Variants in ZNF469 observed in about 807,000 individuals in gnomAD.
ZNF469 encodes zinc finger protein 469.
Under a neutral mutation model 1.0 loss-of-function variants are expected in ZNF469, and 1 was observed. The observed-to-expected ratio is 1.00, with a 90% confidence interval of 0.35 to 4.73. The LOEUF (loss-of-function observed/expected upper bound fraction) is 4.73. Ranked by LOEUF, ZNF469 falls within the 30% of genes most tolerant of loss-of-function variation. ZNF469 has a pLI of 0.16. For synonymous variants in ZNF469, 2,703 were observed against 2,363.4 expected (o/e 1.14, Z -4.17); for missense variants, 6,100 against 5,356.3 (o/e 1.14, Z -4.33).
chr16:88,341,364 G>C, the ZNF469 span, among the ~76,000 whole-genome samples: 1 of 152,144 alleles, frequency 6.6e-6, no homozygotes, highest in African/African-American at 2.4e-5. Flanking sequence ...CTTGCTCCTG[G>C]TGGCTGCTGG....
the ZNF469 span, among the ~76,000 whole-genome samples, chr16:88,276,084 A>C: frequency 3.3e-5 from 5 of 152,136 alleles, no homozygotes; most frequent in East Asian, 9.7e-4. Flanking sequence ...GCAAGTGGAC[A>C]CCCCCTCTGG....
At chr16:88,225,477 C>G in the ZNF469 span, among the ~76,000 whole-genome samples, 391 of 152,170 alleles carry the variant, frequency 2.6e-3, 2 homozygotes, top group African/African-American at 8.7e-3. Flanking sequence ...GGAGACCCTT[C>G]AAAGGGAAGG....
At chr16:88,103,902 C>T in the ZNF469 span, among the ~76,000 whole-genome samples, 1 of 150,078 alleles carries the variant, frequency 6.7e-6, no homozygotes, top group Non-Finnish European at 1.5e-5. Flanking sequence ...GAATAATCCT[C>T]CGTGGCACGA....
intron 1 of ZNF469, among the ~76,000 whole-genome samples, chr16:88,423,175 ATGGATGGGTGGG>A (rs1241780085): frequency 8.5e-4 from 10 of 11,732 alleles, no homozygotes; most frequent in Non-Finnish European, 1.6e-3. Context: ...TGGGTGGGTG[ATGGATGGGTGGG>A]TGGATGGATG....
At chr16:88,381,764 G>C (rs1390152861), upstream of ZNF469, among the ~76,000 whole-genome samples, 9 of 152,382 alleles carry the variant, frequency 5.9e-5, no homozygotes, top group East Asian at 1.7e-3. Flanking sequence ...GCCATGTGCT[G>C]CGATGCCAGC....
rs1105066 is a variant in ZNF469 at position 88,438,442 on chromosome 16, G to C, written c.10972G>C (p.Glu3658Gln). The C allele has an allele frequency of 0.41, 637,912 of 1,549,886 alleles. 134,381 individuals carry two copies. The highest frequency in any genetic ancestry group is 0.53 in the African/African-American group (38,548 of 73,088). Residue 3658 changes from glutamate (E) to glutamine (Q), a missense_variant, in exon 3 of 3, where the codon GAG becomes CAG. Glu to Gln is a conservative substitution (Grantham distance 29). Coordinates refer to ENST00000565624, the MANE Select transcript of ZNF469 (RefSeq NM_001367624.2). ...GGTGTCCTCAAGCCACATGGTGTCT[G>C]AGGGGGGGCCCCGAGGCGCCTTCCA... The part of the protein sequence containing the change: ...KEVSSSHMVS[E>Q]GGPRGAFHKG...
rs902214775 is a variant in ZNF469 at position 88,432,683 on chromosome 16, T to C, written c.5213T>C (p.Leu1738Ser). Residue 1738 changes from leucine to serine, a missense_variant, in exon 3 of 3, where the codon TTA becomes TCA. Coordinates refer to ENST00000565624, the MANE Select transcript of ZNF469 (RefSeq NM_001367624.2). ...GGCCCACAGCTGGATGCCGGGAGTT[T>C]AGCAAAGTGCAGCCCCGACCAGGAA... ...QPGPQLDAGS[L>S]AKCSPDQELS... 3.2e-6 allele frequency: 5 copies of C among 1,550,312 alleles called. No individual in the cohort carries two copies. The African/African-American group carries it at 5.5e-5, about 17-fold the overall frequency.
At chr16:88,274,787 C>T in the ZNF469 span, among the ~76,000 whole-genome samples, 1 of 152,258 alleles carries the variant, frequency 6.6e-6, no homozygotes, top group Non-Finnish European at 1.5e-5. Flanking sequence ...GGAGGACTCG[C>T]CGTATTGCCT....
At chr16:88,395,656 C>T (rs1904638565) in intron 1 of ZNF469, among the ~76,000 whole-genome samples, 1 of 151,826 alleles carries the variant, frequency 6.6e-6, no homozygotes, top group Non-Finnish European at 1.5e-5. Flanking sequence ...TTATAATTCC[C>T]ACCGGAGGCT....
the ZNF469 span, among the ~76,000 whole-genome samples, chr16:88,315,872 C>G: frequency 6.6e-6 from 1 of 152,228 alleles, no homozygotes; most frequent in Admixed American, 6.5e-5. Flanking sequence ...GGCCCTCCCC[C>G]TCCTGCTGAG....
the ZNF469 span, among the ~76,000 whole-genome samples, chr16:88,227,942 C>A: frequency 6.6e-6 from 1 of 152,240 alleles, no homozygotes; most frequent in Non-Finnish European, 1.5e-5. Context: ...GGCTCTGCCT[C>A]CATCCTTAGG....
At chr16:88,174,907 C>T in the ZNF469 span, among the ~76,000 whole-genome samples, 89 of 151,546 alleles carry the variant, frequency 5.9e-4, no homozygotes, top group Non-Finnish European at 1.1e-3. Flanking sequence ...CAAACATTGG[C>T]GCCACAACCT....
the ZNF469 span, among the ~76,000 whole-genome samples, chr16:88,239,684 T>C: frequency 0.025 from 129 of 5,212 alleles, 6 homozygotes; most frequent in African/African-American, 0.12. Flanking sequence ...TATATATATA[T>C]ATATATATAT....
At chr16:88,375,931 G>A in the ZNF469 span, among the ~76,000 whole-genome samples, 2 of 152,262 alleles carry the variant, frequency 1.3e-5, no homozygotes, top group African/African-American at 4.8e-5. Context: ...CGTGTGGGCC[G>A]GACTGGAGTG....
At position 88,429,279 on chromosome 16, in the gene ZNF469, C is replaced by T. The variant is rs748014455; in HGVS notation, c.1809C>T (p.Ser603=). 7 of 1,549,892 alleles carry T rather than the reference C, an allele frequency of 4.5e-6. No individual in the cohort carries two copies. In the South Asian group the frequency reaches 4.8e-5, roughly 11 times the overall value. Residue 603 remains serine (S), a synonymous_variant, in exon 3 of 3, where the codon AGC becomes AGT. Transcript: ENST00000565624. ...CACCGGCCACCAACACGGCCGGCAGCACCTGCTCTTCCCTGTCGCCGATGT... is the reference window on the plus strand; with the variant it reads ...CACCGGCCACCAACACGGCCGGCAGTACCTGCTCTTCCCTGTCGCCGATGT... ...LPSPATNTAG[S]TCSSLSPMSS...
chr16:88,397,639 G>GATT (rs1567500447), intron 1 of ZNF469, among the ~76,000 whole-genome samples: 1 of 130,736 alleles, frequency 7.6e-6, no homozygotes, highest in African/African-American at 3.0e-5. Context: ...ATGGATGGAT[G>GATT]GATGGATATA....
At chr16:88,399,720 T>G (rs1904799960) in intron 1 of ZNF469, among the ~76,000 whole-genome samples, 1 of 152,226 alleles carries the variant, frequency 6.6e-6, no homozygotes, top group African/African-American at 2.4e-5. Flanking sequence ...CCAGCCTCAC[T>G]CCTGCAGCCT....
At chr16:88,371,694 A>T in the ZNF469 span, among the ~76,000 whole-genome samples, 1 of 152,168 alleles carries the variant, frequency 6.6e-6, no homozygotes, top group African/African-American at 2.4e-5. Flanking sequence ...GTAACCATTG[A>T]GCAAACCTAG....
At chr16:88,356,571 T>C in the ZNF469 span, among the ~76,000 whole-genome samples, 1 of 152,078 alleles carries the variant, frequency 6.6e-6, no homozygotes, top group Non-Finnish European at 1.5e-5. Context: ...CGTGTGGGCA[T>C]ACACCTATCA....
Sources: gnomAD v4.1 joint callset for allele counts (sites outside exome capture counted in the v4.1 genomes callset) on GRCh38, gnomAD v4.1.1 for gene constraint, MANE v1.5 for transcripts, NCBI Gene and HGNC (gene_info 2026-07-23, HGNC 2026-07-21) for gene names.